ELMO2: variants seen among roughly 807,000 people sequenced by gnomAD.
ELMO2 encodes engulfment and cell motility 2.
Under a neutral mutation model 96.2 loss-of-function variants are expected in ELMO2, and 37 were observed. That is an observed-to-expected ratio of 0.38 (90% confidence interval 0.30 to 0.51). The LOEUF is 0.51. Among genes scored for constraint, ELMO2 ranks in the 20% least tolerant of loss-of-function variants. The probability of loss-of-function intolerance (pLI) is 0.88; values close to 1 mark genes in which losing one functional copy is unlikely to be tolerated. For missense variants in ELMO2, 561 were observed against 912.6 expected (o/e 0.61, Z 4.96); for synonymous variants, 315 against 329.4 (o/e 0.96, Z 0.47).
chr20:46,394,699 CTT>C (rs1262201259), intron 2 of ELMO2, among the ~76,000 whole-genome samples, 167 bp from the exon 3 acceptor site: 3 of 152,214 alleles, frequency 2.0e-5, no homozygotes, highest in African/African-American at 7.2e-5. Flanking sequence ...GATTTTGTCT[CTT>C]GAGATTAAAT....
intron 10 of ELMO2, chr20:46,382,329 C>T: frequency 8.3e-7 from 1 of 1,198,526 alleles, no homozygotes; most frequent in Non-Finnish European, 1.1e-6. Flanking sequence ...GGCAGATTAA[C>T]AGAGCCAAGC....
chr20:46,395,528 T>C (rs1160262635), intron 2 of ELMO2, among the ~76,000 whole-genome samples: 1 of 152,238 alleles, frequency 6.6e-6, no homozygotes, highest in Non-Finnish European at 1.5e-5. Context: ...GCCTCGCTAA[T>C]GGGGACCACC....
At chr20:46,404,260 G>A (rs911954236) in intron 1 of ELMO2, among the ~76,000 whole-genome samples, 4 of 152,180 alleles carry the variant, frequency 2.6e-5, no homozygotes, top group African/African-American at 7.2e-5. Context: ...TTCTTCAACT[G>A]CATCAAATAT....
At chr20:46,373,133 G>T (rs1186104455) in intron 16 of ELMO2, 2 of 446,576 alleles carry the variant, frequency 4.5e-6, no homozygotes, top group Non-Finnish European at 8.1e-6. Context: ...TTATCCTCCT[G>T]ACCTCTCTGG....
At chr20:46,388,849 G>C (rs1370949723) in intron 7 of ELMO2, among the ~76,000 whole-genome samples, 190 bp downstream of exon 7, 1 of 152,170 alleles carries the variant, frequency 6.6e-6, no homozygotes, top group Non-Finnish European at 1.5e-5. Flanking sequence ...AGCCCAAATA[G>C]ACTACACGAT....
At chr20:46,396,402 G>T (rs947824103) in intron 2 of ELMO2, among the ~76,000 whole-genome samples, 10 of 152,058 alleles carry the variant, frequency 6.6e-5, no homozygotes, top group African/African-American at 2.4e-4. Flanking sequence ...GGGCTTAAGG[G>T]TACATATGTT....
At chr20:46,394,383 G>A (rs760109681) in intron 3 of ELMO2, 22 bp downstream of exon 3, 1 of 1,613,458 alleles carries the variant, frequency 6.2e-7, no homozygotes, top group African/African-American at 1.3e-5. Context: ...TTGAACCACT[G>A]CTTCTCACTT....
intron 4 of ELMO2, 42 bp from the exon 5 acceptor site, chr20:46,393,643 T>G: frequency 9.4e-6 from 15 of 1,598,368 alleles, no homozygotes; most frequent in South Asian, 2.2e-5. Context: ...GGCCACTCTC[T>G]TGTTCAGAAG....
At chr20:46,380,634 C>T (rs569293812) in intron 10 of ELMO2, among the ~76,000 whole-genome samples, 1 of 152,274 alleles carries the variant, frequency 6.6e-6, no homozygotes, top group African/African-American at 2.4e-5. Context: ...GGACACAGAG[C>T]AGTGTGATGG....
intron 10 of ELMO2, among the ~76,000 whole-genome samples, chr20:46,383,165 A>G (rs1031314528): frequency 1.3e-5 from 2 of 152,184 alleles, no homozygotes; most frequent in African/African-American, 2.4e-5. Flanking sequence ...AAACATATTT[A>G]TTCTCTGGCC....
rs2145780236 is a variant in ELMO2, at chr20:46,375,450, CT to C, written c.931-81del. 1.3e-6 allele frequency: 2 copies of C among 1,563,872 alleles called. No individual in the cohort carries two copies. The highest frequency in any genetic ancestry group is 1.8e-5 in the Admixed American group (1 of 54,292). On this transcript the variant is annotated intron_variant, in intron 12 of 21. Transcript: ENST00000290246. The surrounding 1 kb of genome is among the most constrained non-coding windows in gnomAD (Gnocchi z 4.6). ...AAAAGAAACAGTGGGTCAGGCTTTTCTGGGCCAAACTTTGGCCCCAATCAAT... is the reference window on the plus strand; with the variant it reads ...AAAAGAAACAGTGGGTCAGGCTTTTCGGGCCAAACTTTGGCCCCAATCAAT...
chr20:46,372,005 A>G, intron 16 of ELMO2, 36 bp from the exon 17 acceptor site: 2 of 1,610,958 alleles, frequency 1.2e-6, no homozygotes, highest in Admixed American at 1.7e-5. Context: ...TCACACCACT[A>G]CTCTTGAGAA....
At chr20:46,386,935 G>A (rs1032051396) in intron 8 of ELMO2, among the ~76,000 whole-genome samples, 1 of 152,082 alleles carries the variant, frequency 6.6e-6, no homozygotes, top group East Asian at 1.9e-4. Flanking sequence ...ATCCAAACAG[G>A]CTACCTTGCA....
intron 10 of ELMO2, chr20:46,382,194 A>G (rs1359077777): frequency 7.8e-7 from 1 of 1,289,756 alleles, no homozygotes; most frequent in Non-Finnish European, 1.0e-6. Flanking sequence ...TCCACATGGC[A>G]GTGCTACTTA....
At position 46,375,645 on chromosome 20, in the gene ELMO2, C is replaced by T. The variant is rs2059845783; in HGVS notation, c.930+23G>A. ...GGACTGCACCACAGCCATGAGAAAA[C>T]AGCTGCCCCACTTAGCACCTACCTG... On this transcript the variant is annotated intron_variant, in intron 12 of 21. Transcript: ENST00000290246. This position sits in a 1 kb window ranked among gnomAD's most constrained non-coding sequence, Gnocchi z 4.6. The T allele has an allele frequency of 1.2e-6, 2 of 1,613,798 alleles. No individual in the cohort carries two copies. The highest frequency in any genetic ancestry group is 1.7e-6 in the Non-Finnish European group (2 of 1,179,810).
At chr20:46,405,438 G>C (rs907540537) in intron 1 of ELMO2, among the ~76,000 whole-genome samples, 4 of 152,212 alleles carry the variant, frequency 2.6e-5, no homozygotes, top group African/African-American at 9.6e-5. Context: ...AAAGAGGCCA[G>C]TGTGTGGAGA....
Position 46,383,500 on chromosome 20 carries a change from T to C in ELMO2, c.678-6A>G. 1 of 1,613,484 alleles carries C rather than the reference T, an allele frequency of 6.2e-7. No homozygotes were observed. Among genetic ancestry groups the C allele is most frequent in the Non-Finnish European group, 8.5e-7 (1 of 1,179,428 alleles). On this transcript the variant is annotated splice_region_variant and splice_polypyrimidine_tract_variant and intron_variant, in intron 9 of 21. Coordinates refer to ENST00000290246, the MANE Select transcript of ELMO2 (RefSeq NM_133171.5). ...TCTGAATCTCCTGGTTGGAGCTGTG[T>C]CAATGGAGAAAGAAGAGAGAGGGAG...
At chr20:46,393,448 G>C in intron 5 of ELMO2, 81 bp downstream of exon 5, 1 of 1,455,100 alleles carries the variant, frequency 6.9e-7, no homozygotes, top group Non-Finnish European at 9.6e-7. Flanking sequence ...TGGATGCTGA[G>C]TGAAGATAAA....
At chr20:46,401,630 T>C (rs1351125461) in intron 1 of ELMO2, among the ~76,000 whole-genome samples, 2 of 152,212 alleles carry the variant, frequency 1.3e-5, no homozygotes, top group Non-Finnish European at 2.9e-5. Context: ...AGTTCCACCG[T>C]GGCTCTGTGG....
Sources: allele counts gnomAD v4.1 joint callset (sites outside exome capture counted in the v4.1 genomes callset), GRCh38; gene constraint gnomAD v4.1.1; non-coding constraint Gnocchi (gnomAD v3.1); transcripts MANE v1.5; gene names NCBI Gene and HGNC (gene_info 2026-07-23, HGNC 2026-07-21).